The following ZFPM2 variants were observed in gnomAD, a reference collection of about 807,000 sequenced individuals.
ZFPM2 encodes the protein zinc finger protein ZFPM2.
Under a neutral mutation model 98.6 loss-of-function variants are expected in ZFPM2, and 20 were observed. That is an observed-to-expected ratio of 0.20 (90% CI 0.14 to 0.29). ZFPM2 has a LOEUF of 0.29. ZFPM2 is among the 10% of genes least tolerant of loss of function. The probability of loss-of-function intolerance (pLI) is 1.00; values close to 1 mark genes in which losing one functional copy is unlikely to be tolerated. For synonymous variants in ZFPM2, 518 were observed against 502.7 expected (o/e 1.03, Z -0.41); for missense variants, 1,310 against 1,388.6 (o/e 0.94, Z 0.90).
At position 105,564,713 on chromosome 8, in the gene ZFPM2, A is replaced by G. The variant is rs540096559; in HGVS notation, c.420+3232A>G. ...ATAACATCTGTAACATGATTTGAGC[A>G]TGATAAAATTGTTGATGATTTCTTA... On this transcript the variant is annotated intron_variant, in intron 4 of 7. Coordinates refer to ENST00000407775, the MANE Select transcript of ZFPM2 (RefSeq NM_012082.4). Among the ~76,000 whole-genome samples the G allele has an allele frequency of 2.6e-5, 4 of 152,302 alleles. No individual in the cohort carries two copies. The East Asian group carries it at 7.7e-4, about 29-fold the overall frequency.
chr8:105,468,332 G>T (rs1205224041), intron 3 of ZFPM2, among the ~76,000 whole-genome samples: 1 of 151,878 alleles, frequency 6.6e-6, no homozygotes, highest in African/African-American at 2.4e-5. Flanking sequence ...TAACCTCATG[G>T]CCACTTCTGA....
intron 5 of ZFPM2, among the ~76,000 whole-genome samples, chr8:105,683,151 C>T (rs1235188016): frequency 1.3e-5 from 2 of 151,924 alleles, no homozygotes; most frequent in African/African-American, 4.8e-5. Flanking sequence ...GCCCTACCTC[C>T]TAATACTATT....
chr8:105,620,304 G>T (rs1224605324), intron 4 of ZFPM2, among the ~76,000 whole-genome samples: 1 of 152,164 alleles, frequency 6.6e-6, no homozygotes, highest in African/African-American at 2.4e-5. Flanking sequence ...ATTTTTTCAT[G>T]TGTCTGTTGG....
intron 5 of ZFPM2, among the ~76,000 whole-genome samples, chr8:105,641,346 G>A (rs866379291): frequency 4.6e-5 from 7 of 152,020 alleles, no homozygotes; most frequent in Middle Eastern, 3.2e-3. Flanking sequence ...ACGCGATGCC[G>A]AAAACCCATG....
At chr8:105,644,312 G>T (rs1404515761) in intron 5 of ZFPM2, among the ~76,000 whole-genome samples, 4 of 148,582 alleles carry the variant, frequency 2.7e-5, no homozygotes, top group African/African-American at 7.4e-5. Context: ...AAAAAACAGG[G>T]TTTTGCCATG....
intron 3 of ZFPM2, among the ~76,000 whole-genome samples, chr8:105,506,004 A>C (rs1213499799): frequency 6.6e-6 from 1 of 152,184 alleles, no homozygotes; most frequent in Non-Finnish European, 1.5e-5. Context: ...CACAATGAAG[A>C]AGCAAAAACA....
intron 3 of ZFPM2, among the ~76,000 whole-genome samples, chr8:105,492,880 A>G (rs1345227418): frequency 6.6e-6 from 1 of 152,214 alleles, no homozygotes; most frequent in Non-Finnish European, 1.5e-5. Context: ...AAAGTAAAAT[A>G]TAATATACAA....
At chr8:105,449,451 T>C (rs185942233) in intron 3 of ZFPM2, among the ~76,000 whole-genome samples, 101 of 152,174 alleles carry the variant, frequency 6.6e-4, no homozygotes, top group Non-Finnish European at 2.9e-5. Context: ...TGTTAAGCTT[T>C]GGGTCATTTC....
chr8:105,579,454 G>A (rs1238788144), intron 4 of ZFPM2, among the ~76,000 whole-genome samples: 2 of 152,120 alleles, frequency 1.3e-5, no homozygotes, highest in Non-Finnish European at 2.9e-5. Flanking sequence ...TTTGGTTCTT[G>A]TGTCAGGGAG....
chr8:105,801,706 C>G lies in ZFPM2; in HGVS notation c.1624C>G (p.Pro542Ala), dbSNP rs1814023474. 5 of 1,613,810 alleles carry G rather than the reference C, an allele frequency of 3.1e-6. No homozygotes were observed. The highest frequency in any genetic ancestry group is 4.2e-6 in the Non-Finnish European group (5 of 1,179,882). Residue 542 changes from proline to alanine, a missense_variant, in exon 8 of 8, where the codon CCT becomes GCT. Transcript: ENST00000407775. ...TAGCTACCCTCCCGTCATTTACAGC[C>G]CTTTGATGCCCAAGGGGGCTACTTG... is the stretch of plus-strand genomic sequence containing the variant. ...SSSYPPVIYS[P>A]LMPKGATCFE...
At chr8:105,649,536 T>C (rs1817124216) in intron 5 of ZFPM2, among the ~76,000 whole-genome samples, 1 of 152,244 alleles carries the variant, frequency 6.6e-6, no homozygotes, top group Non-Finnish European at 1.5e-5. Context: ...ATAGCTCTTA[T>C]TATTTTGAGA....
intron 5 of ZFPM2, among the ~76,000 whole-genome samples, chr8:105,688,911 A>G (rs1189196862): frequency 6.6e-6 from 1 of 152,206 alleles, no homozygotes; most frequent in Non-Finnish European, 1.5e-5. Flanking sequence ...TATGAGAAGC[A>G]TACCAATACA....
chr8:105,730,064 C>A (rs1811895819), intron 5 of ZFPM2, among the ~76,000 whole-genome samples: 1 of 151,362 alleles, frequency 6.6e-6, no homozygotes, highest in African/African-American at 2.4e-5. Context: ...AATTAAATGT[C>A]TGCAGTATCC....
chr8:105,572,129 C>G (rs1815370559), intron 4 of ZFPM2, among the ~76,000 whole-genome samples: 1 of 151,024 alleles, frequency 6.6e-6, no homozygotes, highest in South Asian at 2.1e-4. Context: ...GCTCCACCTC[C>G]CGGGTTCATG....
At chr8:105,579,888 A>G (rs187806731) in intron 4 of ZFPM2, among the ~76,000 whole-genome samples, 1 of 152,246 alleles carries the variant, frequency 6.6e-6, no homozygotes, top group East Asian at 1.9e-4. Context: ...AGTGCTTTCT[A>G]AAAGACTCAA....
chr8:105,626,071 T>G (rs1816648699), intron 4 of ZFPM2, among the ~76,000 whole-genome samples: 2 of 152,020 alleles, frequency 1.3e-5, no homozygotes, highest in South Asian at 4.2e-4. Context: ...AGTGCAAACT[T>G]TCACTCGGTT....
intron 3 of ZFPM2, among the ~76,000 whole-genome samples, chr8:105,482,298 T>C (rs531411505): frequency 6.6e-6 from 1 of 152,308 alleles, no homozygotes; most frequent in African/African-American, 2.4e-5. Flanking sequence ...TGATATAGTA[T>C]CTTTCCTGTA....
At chr8:105,407,107 AATTTTT>A (rs1176589676) in intron 1 of ZFPM2, among the ~76,000 whole-genome samples, 1 of 130,780 alleles carries the variant, frequency 7.6e-6, no homozygotes, top group African/African-American at 3.2e-5. Context: ...TAAATGCTCT[AATTTTT>A]TTTTTTTTTT....
intron 5 of ZFPM2, among the ~76,000 whole-genome samples, chr8:105,770,889 A>G (rs1812964818): frequency 6.6e-6 from 1 of 152,150 alleles, no homozygotes; most frequent in African/African-American, 2.4e-5. Flanking sequence ...AATATCACCC[A>G]CTAAGAAAGG....
Sources: gnomAD v4.1 joint callset for allele counts (sites outside exome capture counted in the v4.1 genomes callset) on GRCh38, gnomAD v4.1.1 for gene constraint, MANE v1.5 for transcripts, NCBI Gene and HGNC (gene_info 2026-07-23, HGNC 2026-07-21) for gene names.